The following ARSG variants were observed in gnomAD, a reference collection of about 807,000 sequenced individuals.
ARSG encodes ASG.
A neutral mutation model predicts 50.5 loss-of-function variants in ARSG; 37 were observed. That is an observed-to-expected ratio of 0.73 (90% confidence interval 0.56 to 0.96). The LOEUF is 0.96. Among genes scored for constraint, ARSG ranks in the 50% least tolerant of loss-of-function variants. The pLI is 0.00. For missense variants in ARSG, 629 were observed against 675.3 expected, an observed-to-expected ratio of 0.93 and a Z score of 0.76; for synonymous variants, 225 against 254.6, an observed-to-expected ratio of 0.88 and a Z score of 1.11.
At chr17:68,393,303 C>T (rs766176694) in intron 9 of ARSG, among the ~76,000 whole-genome samples, 2 of 152,138 alleles carry the variant, frequency 1.3e-5, no homozygotes, top group Non-Finnish European at 2.9e-5. Flanking sequence ...TGAAGTCTGG[C>T]ACCATCCCAC....
rs1235703590 is a variant in ARSG, at chr17:68,271,205, C to T, written c.-552+11779C>T. ...TCCTGGTCAATGCCCAGACTAATGC[C>T]CAGAGGAATGATGTACAAGGAAGGT... On this transcript the variant is annotated intron_variant, in intron 1 of 11. Transcript: ENST00000448504. The surrounding 1 kb of genome is among the most constrained non-coding windows in gnomAD (Gnocchi z 5.3). The T allele has an allele frequency of 6.2e-6, 10 of 1,613,854 alleles. No individual in the cohort carries two copies. The highest frequency in any genetic ancestry group is 1.3e-5 in the African/African-American group (1 of 74,918).
rs1267807050 is a variant in ARSG, at chr17:68,381,538, A to C, written c.983-3526A>C. ...TGAAAAGTGATTAGAAGTTTCATTT[A>C]TGGATTGTCTATTGTTCTTACTATG... On this transcript the variant is annotated intron_variant, in intron 8 of 11. Coordinates refer to ENST00000621439, the MANE Select transcript of ARSG (RefSeq NM_001267727.2). This position sits in a 1 kb window ranked among gnomAD's most constrained non-coding sequence, Gnocchi z 4.1. 1.3e-5 allele frequency among the ~76,000 whole-genome samples: 2 copies of C among 151,346 alleles called. No individual in the cohort carries two copies. The highest frequency in any genetic ancestry group is 4.8e-5 in the African/African-American group (2 of 41,262).
chr17:68,450,420 G>A, the ARSG span, among the ~76,000 whole-genome samples: 3 of 152,184 alleles, frequency 2.0e-5, no homozygotes, highest in African/African-American at 7.2e-5. Context: ...TGGCTCATGG[G>A]ACTGTCCAAG....
chr17:68,338,192 G>A (rs1444368776), intron 2 of ARSG, among the ~76,000 whole-genome samples: 1 of 152,144 alleles, frequency 6.6e-6, no homozygotes, highest in Non-Finnish European at 1.5e-5. Flanking sequence ...AGATGTGTGT[G>A]TGTGTGTGCA....
chr17:68,397,244 G>A (rs1034731771), intron 10 of ARSG, among the ~76,000 whole-genome samples: 1 of 152,164 alleles, frequency 6.6e-6, no homozygotes, highest in Non-Finnish European at 1.5e-5. Flanking sequence ...GTCACGGGGA[G>A]GTATGATGGC....
chr17:68,312,393 A>G (rs757875290), intron 2 of ARSG, among the ~76,000 whole-genome samples: 13 of 152,194 alleles, frequency 8.5e-5, no homozygotes, highest in Non-Finnish European at 1.5e-4. Flanking sequence ...AACATTTACC[A>G]GATTCTCCAA....
At chr17:68,345,793 CT>C (rs1188597211) in intron 3 of ARSG, among the ~76,000 whole-genome samples, 2 of 152,104 alleles carry the variant, frequency 1.3e-5, no homozygotes, top group African/African-American at 4.8e-5. Context: ...TTAAACAATA[CT>C]TTTCATAATT....
intron 9 of ARSG, among the ~76,000 whole-genome samples, chr17:68,389,952 C>A (rs1025904031): frequency 2.0e-4 from 30 of 151,870 alleles, no homozygotes; most frequent in African/African-American, 6.8e-4. Context: ...ACCTGCACAC[C>A]TTGGGGTCCA....
At chr17:68,366,027 C>T (rs2079529042) in intron 6 of ARSG, among the ~76,000 whole-genome samples, 1 of 152,076 alleles carries the variant, frequency 6.6e-6, no homozygotes, top group Non-Finnish European at 1.5e-5. Context: ...ACCTCTGCCT[C>T]CTGGTTTCAA....
intron 2 of ARSG, among the ~76,000 whole-genome samples, chr17:68,331,177 GTTTCTTTCTTTCTTTCTTTC>G (rs71142163): frequency 1.3e-4 from 16 of 119,026 alleles, no homozygotes; most frequent in Middle Eastern, 4.3e-3. Context: ...CAAAGACAGG[GTTTCTTTCTTTCTTTCTTTC>G]TTTCTTTCTT....
At chr17:68,331,233 GTTTCTTTC>G (rs869049629) in intron 2 of ARSG, among the ~76,000 whole-genome samples, 12 of 85,044 alleles carry the variant, frequency 1.4e-4, no homozygotes, top group East Asian at 3.3e-4. Context: ...TTCTTTCTTT[GTTTCTTTC>G]TTTCTTTCTT....
Position 68,385,182 on chromosome 17 carries a change from C to G in ARSG, c.1091+10C>G. ...GCACTGCCTTGTTAAGGTATGAGAC[C>G]AAAACTACCTTGAGATGTTGGGGCC... is the stretch of plus-strand genomic sequence containing the variant. On this transcript the variant is annotated intron_variant, in intron 9 of 11. Coordinates refer to ENST00000621439, the MANE Select transcript of ARSG (RefSeq NM_001267727.2). 6.2e-7 allele frequency: 1 copy of G among 1,609,410 alleles called. No homozygotes were observed. Among genetic ancestry groups the G allele is most frequent in the Non-Finnish European group, 8.5e-7 (1 of 1,176,110 alleles).
intron 8 of ARSG, among the ~76,000 whole-genome samples, chr17:68,372,169 TATTA>T (rs1457874969): frequency 6.6e-6 from 1 of 152,222 alleles, no homozygotes; most frequent in Non-Finnish European, 1.5e-5. Flanking sequence ...TGGGACTGTG[TATTA>T]GTCCACAGAC....
chr17:68,324,388 C>T (rs1056858889), intron 2 of ARSG, among the ~76,000 whole-genome samples: 6 of 152,302 alleles, frequency 3.9e-5, no homozygotes, highest in Admixed American at 3.9e-4. Context: ...CCAAGCATGA[C>T]TCTCAGGACC....
intron 1 of ARSG, chr17:68,267,869 TATAAC>T (rs1568400016): frequency 6.6e-6 from 1 of 152,256 alleles, no homozygotes; most frequent in Non-Finnish European, 1.5e-5. Context: ...TGTAACTCGC[TATAAC>T]ATAATTGTCT....
chr17:68,370,020 T>A (rs751258192), intron 7 of ARSG, among the ~76,000 whole-genome samples: 11 of 152,098 alleles, frequency 7.2e-5, no homozygotes, highest in Non-Finnish European at 1.5e-4. Flanking sequence ...TTATTTATAT[T>A]TATTTATTTT....
chr17:68,293,235 G>A (rs1234091841), intron 1 of ARSG, among the ~76,000 whole-genome samples: 1 of 152,054 alleles, frequency 6.6e-6, no homozygotes, highest in Admixed American at 6.6e-5. Context: ...TAATACTTAG[G>A]ACCTGTTACT....
intron 11 of ARSG, among the ~76,000 whole-genome samples, chr17:68,410,720 C>G (rs1423178045): frequency 6.6e-6 from 1 of 152,168 alleles, no homozygotes; most frequent in Non-Finnish European, 1.5e-5. Flanking sequence ...CCTTCTACCT[C>G]TGGTAGAATT....
At chr17:68,420,078 T>G in intron 11 of ARSG, 111 bp from the exon 12 acceptor site, 4 of 1,250,072 alleles carry the variant, frequency 3.2e-6, no homozygotes, top group Non-Finnish European at 4.5e-6. Context: ...CATTGGAACA[T>G]TTGGTTATCT....
Sources: allele counts gnomAD v4.1 joint callset (sites outside exome capture counted in the v4.1 genomes callset), GRCh38; gene constraint gnomAD v4.1.1; non-coding constraint Gnocchi (gnomAD v3.1); transcripts MANE v1.5; gene names NCBI Gene and HGNC (gene_info 2026-07-23, HGNC 2026-07-21).